The following SRGAP2C variants were observed in gnomAD, a reference collection of about 807,000 sequenced individuals.
The protein encoded by SRGAP2C is SLIT-ROBO Rho GTPase activating protein 2C, also known as SLIT-ROBO Rho GTPase-activating protein 2C.
A neutral mutation model predicts 25.1 loss-of-function variants in SRGAP2C; 15 were observed. That is an observed-to-expected ratio of 0.60 (90% CI 0.40 to 0.92). The LOEUF (loss-of-function observed/expected upper bound fraction) is 0.92. Ranked by LOEUF, SRGAP2C falls within the 40% of genes least tolerant of loss-of-function variation. The probability of loss-of-function intolerance (pLI) is 0.00; values close to 1 mark genes in which losing one functional copy is unlikely to be tolerated. For synonymous variants in SRGAP2C, 44 were observed against 96.6 expected (o/e 0.46, Z 3.19); for missense variants, 144 against 264.4 (o/e 0.54, Z 3.16).
chr1:121,273,974 G>C (rs1272700719), intron 2 of SRGAP2C, among the ~76,000 whole-genome samples: 2 of 151,416 alleles, frequency 1.3e-5, no homozygotes, highest in African/African-American at 4.8e-5. Flanking sequence ...TGGGCAGACT[G>C]TTTCAGCCAG....
At chr1:121,329,260 G>A (rs2101615670) in intron 4 of SRGAP2C, among the ~76,000 whole-genome samples, 2 of 152,218 alleles carry the variant, frequency 1.3e-5, no homozygotes, top group African/African-American at 4.8e-5. Context: ...TGAAGCTAAC[G>A]TTTAACTCCA....
intron 2 of SRGAP2C, among the ~76,000 whole-genome samples, chr1:121,208,155 A>T (rs1459469401): frequency 6.6e-6 from 1 of 152,212 alleles, no homozygotes; most frequent in African/African-American, 2.4e-5. Context: ...AATATATATT[A>T]AGATTTTATT....
At chr1:121,296,180 T>G (rs1200021352) in intron 3 of SRGAP2C, among the ~76,000 whole-genome samples, 1 of 151,472 alleles carries the variant, frequency 6.6e-6, no homozygotes, top group Non-Finnish European at 1.5e-5. Flanking sequence ...GAAGCTAAAA[T>G]TTCTAGTAGT....
At chr1:121,236,573 A>G (rs1226280712) in intron 2 of SRGAP2C, among the ~76,000 whole-genome samples, 1 of 151,406 alleles carries the variant, frequency 6.6e-6, no homozygotes, top group South Asian at 2.1e-4. Flanking sequence ...TTTAACTGAA[A>G]CCCTCCCTCA....
chr1:121,191,714 T>C (rs181828524), intron 2 of SRGAP2C, among the ~76,000 whole-genome samples: 5 of 152,106 alleles, frequency 3.3e-5, no homozygotes, highest in Admixed American at 3.3e-4. Flanking sequence ...TCCCAGCTAT[T>C]GTTCTTTCCT....
chr1:121,225,914 A>C (rs1655654705), intron 2 of SRGAP2C, among the ~76,000 whole-genome samples: 1 of 142,944 alleles, frequency 7.0e-6, no homozygotes, highest in African/African-American at 2.6e-5. Flanking sequence ...CAGGTTGGCC[A>C]GGCTGGTCTC....
rs1456208227 is a variant in SRGAP2C, at chr1:121,255,263, C to T, written c.68-29540C>T. Among the ~76,000 whole-genome samples the T allele has an allele frequency of 8.0e-5, 12 of 150,506 alleles. 1 individual carries two copies. Among genetic ancestry groups the T allele is most frequent in the Non-Finnish European group, 1.2e-4 (8 of 67,246 alleles). On this transcript the variant is annotated intron_variant, in intron 2 of 9. Transcript: ENST00000367123. ...GGCTTCTAGGGGAACTCTTCATTTTCGTAAAAATCCGTCTGTGGGTGGTCA... is the reference window on the plus strand; with the variant it reads ...GGCTTCTAGGGGAACTCTTCATTTTTGTAAAAATCCGTCTGTGGGTGGTCA...
chr1:121,314,788 G>A (rs1658057132), intron 3 of SRGAP2C, among the ~76,000 whole-genome samples: 1 of 152,020 alleles, frequency 6.6e-6, no homozygotes, highest in South Asian at 2.1e-4. Context: ...CCCGTTCTCA[G>A]ATCTCCAGCT....
chr1:121,304,980 C>A (rs1289087367), intron 3 of SRGAP2C, among the ~76,000 whole-genome samples: 2 of 152,136 alleles, frequency 1.3e-5, no homozygotes, highest in Non-Finnish European at 2.9e-5. Context: ...ACCCATGTAT[C>A]CATAGGTTAA....
At chr1:121,366,264 G>A (rs71257540) in intron 5 of SRGAP2C, among the ~76,000 whole-genome samples, 17 of 149,532 alleles carry the variant, frequency 1.1e-4, no homozygotes, top group South Asian at 1.1e-3. Flanking sequence ...TATTTGCTGC[G>A]TTTTTTCTTT....
chr1:121,303,891 G>T (rs1275199917), intron 3 of SRGAP2C, among the ~76,000 whole-genome samples: 1 of 149,420 alleles, frequency 6.7e-6, no homozygotes, highest in Non-Finnish European at 1.5e-5. Context: ...GTCCTAGAGT[G>T]TACAGAAAGT....
In SRGAP2C at chr1:121,255,384, G is replaced by A. The variant is rs1467744495; in HGVS notation, c.68-29419G>A. 7.2e-5 allele frequency among the ~76,000 whole-genome samples: 11 copies of A among 151,774 alleles called. 1 individual carries two copies. Among genetic ancestry groups the A allele is most frequent in the East Asian group, 1.9e-4 (1 of 5,188 alleles). On this transcript the variant is annotated intron_variant, in intron 2 of 9. Coordinates refer to ENST00000367123, the MANE Select transcript of SRGAP2C (RefSeq NM_001329984.2). ...GGATATTGGTCTTGGGAGTGTAGAC[G>A]TTGTGGGACCAGGAGCTTTGCAGAC...
At chr1:121,208,105 A>G (rs1250421004) in intron 2 of SRGAP2C, among the ~76,000 whole-genome samples, 1 of 152,150 alleles carries the variant, frequency 6.6e-6, no homozygotes, top group African/African-American at 2.4e-5. Context: ...AAATGAAGTA[A>G]TGCTTGTGTA....
chr1:121,219,154 G>A (rs1239155104), intron 2 of SRGAP2C, among the ~76,000 whole-genome samples: 3 of 149,268 alleles, frequency 2.0e-5, no homozygotes, highest in East Asian at 3.9e-4. Flanking sequence ...AGTATACCTA[G>A]CGTGAACTAA....
intron 3 of SRGAP2C, among the ~76,000 whole-genome samples, chr1:121,293,695 TCCCAGAATAGTTCATTCTCTG>T (rs1657536954): frequency 6.6e-6 from 1 of 151,150 alleles, no homozygotes; most frequent in African/African-American, 2.4e-5. Flanking sequence ...CTAGGACTGG[TCCCAGAATAGTTCATTCTCTG>T]CCCAGAACAT....
intron 4 of SRGAP2C, among the ~76,000 whole-genome samples, chr1:121,359,579 G>A (rs1263894911): frequency 6.6e-6 from 1 of 152,186 alleles, no homozygotes; most frequent in African/African-American, 2.4e-5. Flanking sequence ...ACCAGCCTGA[G>A]CAAACTCAGT....
At position 121,389,147 on chromosome 1, in the gene SRGAP2C, A is replaced by T. The variant is rs1249187292; in HGVS notation, c.*1292A>T. 3.9e-5 allele frequency: 6 copies of T among 152,146 alleles called. No individual in the cohort carries two copies. The highest frequency in any genetic ancestry group is 3.9e-4 in the Admixed American group (6 of 15,276). 9.4% of individuals were successfully genotyped at this position (152,146 alleles called of 1,614,324 possible). A position where few individuals can be genotyped will look rare whatever the true frequency, so the allele number is the denominator to read the frequency against. On this transcript the variant is annotated 3_prime_UTR_variant, in exon 10 of 10. Coordinates refer to ENST00000367123, the MANE Select transcript of SRGAP2C (RefSeq NM_001329984.2). ...AGTCATATAATTATAATATTCTTTA[A>T]GCATATTTATGAGTAAAATATTAAA... is the stretch of plus-strand genomic sequence containing the variant.
chr1:121,309,305 A>C (rs1224965797), intron 3 of SRGAP2C, among the ~76,000 whole-genome samples: 1 of 138,064 alleles, frequency 7.2e-6, no homozygotes, highest in Non-Finnish European at 1.5e-5. Context: ...TTATTTTTTT[A>C]AAAGATAAAC....
At chr1:121,291,111 C>CAAAA (rs1166238475) in intron 3 of SRGAP2C, among the ~76,000 whole-genome samples, 5 of 101,498 alleles carry the variant, frequency 4.9e-5, no homozygotes, top group Non-Finnish European at 4.3e-5. Flanking sequence ...AAAGTAAGAG[C>CAAAA]AAAAAAAAAA....
Sources: gnomAD v4.1 joint callset for allele counts (sites outside exome capture counted in the v4.1 genomes callset) on GRCh38, gnomAD v4.1.1 for gene constraint, MANE v1.5 for transcripts, NCBI Gene and HGNC (gene_info 2026-07-23, HGNC 2026-07-21) for gene names.